Variants in FLG observed in about 807,000 individuals in gnomAD.
The protein encoded by FLG is epidermal filaggrin.
A neutral mutation model predicts 3.8 loss-of-function variants in FLG; 6 were observed. The ratio of observed to expected loss-of-function variants is 1.60; its 90% CI spans 0.87 to 3.15. The LOEUF is 3.15. FLG is among the 30% of genes most tolerant of loss of function. The pLI is 0.00. For synonymous variants in FLG, 2,551 were observed against 1,931.6 expected, an observed-to-expected ratio of 1.32 and a Z score of -8.41; for missense variants, 7,595 against 5,050.9, an observed-to-expected ratio of 1.50 and a Z score of -15.27.
At position 152,310,477 on chromosome 1, in the gene FLG, T is replaced by C; in HGVS notation, c.4409A>G (p.His1470Arg). ...PSTGGRQGSR[H>R]EQARNSSRHS... ...CCTAGAGCTGTTTCGTGCCTGCTCA[T>C]GGCGGGATCCTTGTCTTCCTCCAGT... Residue 1470 changes from histidine (H) to arginine (R), a missense_variant, in exon 3 of 3, where the codon CAT becomes CGT. Transcript: ENST00000368799. The C allele has an allele frequency of 6.2e-7, 1 of 1,613,814 alleles. No homozygotes were observed.
In FLG at chr1:152,314,547, A is replaced by G. The variant is rs1317321449; in HGVS notation, c.339T>C (p.Asn113=). Residue 113 remains asparagine (N), a synonymous_variant, in exon 3 of 3, where the codon AAT becomes AAC. Coordinates refer to ENST00000368799, the MANE Select transcript of FLG (RefSeq NM_002016.2). ...KHSHHDKHED[N]KQEENKENRK... is the part of the protein sequence containing the mutation. ...TGTTTTCTTTGTTTTCTTCCTGTTTATTATCTTCATGTTTATCATGATGAC... is the reference window on the plus strand; with the variant it reads ...TGTTTTCTTTGTTTTCTTCCTGTTTGTTATCTTCATGTTTATCATGATGAC... The G allele has an allele frequency of 1.2e-6, 2 of 1,611,388 alleles. No individual in the cohort carries two copies. Among genetic ancestry groups the G allele is most frequent in the East Asian group, 2.2e-5 (1 of 44,738 alleles).
chr1:152,307,886 G>C lies in FLG; in HGVS notation c.7000C>G (p.His2334Asp), dbSNP rs564611202. 3 of 1,608,870 alleles carry C rather than the reference G, an allele frequency of 1.9e-6. No homozygotes were observed. The highest frequency in any genetic ancestry group is 2.2e-5 in the East Asian group (1 of 44,826). Residue 2334 changes from histidine (H) to aspartate (D), a missense_variant, in exon 3 of 3, where the codon CAC becomes GAC. By Grantham distance (81) the His-to-Asp change is moderately conservative. Transcript: ENST00000368799. The stretch of plus-strand genomic sequence containing the variant: ...CTGGAGCTGTCTGCTGACTGCTGGT[G>C]GTGGGATCCGTGTCTCTCTCCTGCA... ...SSAGERHGSH[H>D]QQSADSSRHS...
At position 152,314,008 on chromosome 1, in the gene FLG, C is replaced by T; in HGVS notation, c.878G>A (p.Arg293Lys). The change falls in exon 3 of 3, where the codon AGG becomes AAG. Residue 293 changes from arginine (R) to lysine (K), a missense_variant. Physicochemically the swap from Arg to Lys is conservative, Grantham distance 26 (BLOSUM62 2). Coordinates refer to ENST00000368799, the MANE Select transcript of FLG (RefSeq NM_002016.2). Reference sequence around the variant, plus strand: ...CCTGTCCTGGCTAACTCTGGATCCCCTACGCTTTCTTGTCCTGGACTCCTG... The same window carrying T: ...CCTGTCCTGGCTAACTCTGGATCCCTTACGCTTTCTTGTCCTGGACTCCTG... ...PLQESRTRKR[R>K]GSRVSQDRDS... The T allele has an allele frequency of 6.2e-7, 1 of 1,614,200 alleles. No individual in the cohort carries two copies.
rs574781406 is a variant in FLG, at chr1:152,304,769, G to C, written c.10117C>G (p.Arg3373Gly). ...CCAGACCTTCCCCCTGACCGGTCAC[G>C]TGCGGACTCTTGGTGGCTCTGCTGA... is the stretch of plus-strand genomic sequence containing the variant. ...PHQQSHQESA[R>G]DRSGGRSGRS... The change falls in exon 3 of 3, where the codon CGT (arginine) becomes GGT (glycine). Residue 3373 changes from arginine (R) to glycine (G), a missense_variant. Physicochemically the swap from Arg to Gly is moderately radical, Grantham distance 125 (BLOSUM62 -2). Transcript: ENST00000368799. 5.7e-5 allele frequency: 92 copies of C among 1,613,682 alleles called. 2 individuals are homozygous for C. The South Asian group carries it at 8.0e-4, about 14-fold the overall frequency.
rs1651706128 is a variant in FLG at position 152,303,119 on chromosome 1, T to G, written c.11767A>C (p.Ser3923Arg). Reference protein sequence around the residue: ...VQSSPVQSDSSTAKEHGHFSS... With the variant: ...VQSSPVQSDSRTAKEHGHFSS... Reference sequence around the variant, plus strand: ...AAGTGACCATGTTCCTTAGCGGTACTAGAGTCTGACTGTACAGGTGAAGAC... The same window carrying G: ...AAGTGACCATGTTCCTTAGCGGTACGAGAGTCTGACTGTACAGGTGAAGAC... Residue 3923 changes from serine to arginine, a missense_variant, in exon 3 of 3, where the codon AGT becomes CGT. Coordinates refer to ENST00000368799, the MANE Select transcript of FLG (RefSeq NM_002016.2). The G allele has an allele frequency of 1.9e-6, 3 of 1,614,220 alleles. No homozygotes were observed. The highest frequency in any genetic ancestry group is 2.5e-6 in the Non-Finnish European group (3 of 1,180,048).
At position 152,312,207 on chromosome 1, in the gene FLG, G is replaced by C. The variant is rs772944521; in HGVS notation, c.2679C>G (p.Ser893Arg). 1.9e-6 allele frequency: 3 copies of C among 1,613,272 alleles called. No homozygotes were observed. Among genetic ancestry groups the C allele is most frequent in the Middle Eastern group, 3.3e-4 (2 of 6,082 alleles). ...SRGQSGSRSA[S>R]RTTRNEEQSR... ...ATTGTTCCTCATTACGTGTTGTTCT[G>C]CTTGCACTTCTGGATCCTGACTGCC... Residue 893 changes from serine to arginine, a missense_variant, in exon 3 of 3, where the codon AGC (serine) becomes AGG (arginine). Coordinates refer to ENST00000368799, the MANE Select transcript of FLG (RefSeq NM_002016.2).
Position 152,311,838 on chromosome 1 carries a change from T to A in FLG, c.3048A>T (p.Gly1016=). 1 of 1,614,102 alleles carries A rather than the reference T, an allele frequency of 6.2e-7. No homozygotes were observed. Among genetic ancestry groups the A allele is most frequent in the South Asian group, 1.1e-5 (1 of 91,078 alleles). ...CCTGTTCATGGGATGACGCAGCCTG[T>A]CCACCAGAGGAAGTCTCTGCGTGAG... ...GTPHAETSSG[G]QAASSHEQAR... is the part of the protein sequence containing the mutation. Residue 1016 remains glycine (G), a synonymous_variant, in exon 3 of 3, where the codon GGA becomes GGT. Coordinates refer to ENST00000368799, the MANE Select transcript of FLG (RefSeq NM_002016.2).
chr1:152,304,525 A>G lies in FLG; in HGVS notation c.10361T>C (p.Val3454Ala), dbSNP rs748893057. Residue 3454 changes from valine (V) to alanine (A), a missense_variant, in exon 3 of 3, where the codon GTA (valine) becomes GCA (alanine). Coordinates refer to ENST00000368799, the MANE Select transcript of FLG (RefSeq NM_002016.2). ...GRQGSHYEQS[V>A]DRSGHSGSHH... ...GGACCCTGAGTGTCCAGACCTATCT[A>G]CCGATTGCTCGTAGTGGGATCCCTG... The G allele has an allele frequency of 1.3e-5, 21 of 1,611,934 alleles. No individual in the cohort carries two copies. Among genetic ancestry groups the G allele is most frequent in the African/African-American group, 1.2e-4 (9 of 74,416 alleles).
At chr1:152,321,636 AG>A (rs1248972471) in intron 1 of FLG, among the ~76,000 whole-genome samples, 1 of 151,280 alleles carries the variant, frequency 6.6e-6, no homozygotes, top group Non-Finnish European at 1.5e-5. Flanking sequence ...AAACCTAAAT[AG>A]TACTATGTTT....
rs1651740843 is a variant in FLG at position 152,303,661 on chromosome 1, G to T, written c.11225C>A (p.Ala3742Glu). ...GGRQGSRHEQ[A>E]RDSSRHSASQ... is the part of the protein sequence containing the mutation. ...CGCTGAGTGCCTGGAGCTGTCTCGT[G>T]CCTGCTCGTGGCGGGATCCTTGTCT... The change falls in exon 3 of 3, where the codon GCA becomes GAA. Residue 3742 changes from alanine to glutamate, a missense_variant. Transcript: ENST00000368799. 2 of 1,613,904 alleles carry T rather than the reference G, an allele frequency of 1.2e-6. No individual in the cohort carries two copies. The highest frequency in any genetic ancestry group is 2.2e-5 in the East Asian group (1 of 44,872).
Position 152,312,600 on chromosome 1 carries a change from C to T in FLG, c.2286G>A (p.Val762=), listed in dbSNP as rs138381300. Residue 762 remains valine (V), a synonymous_variant, in exon 3 of 3, where the codon GTG becomes GTA. Coordinates refer to ENST00000368799, the MANE Select transcript of FLG (RefSeq NM_002016.2). ...GHSEDSDTQS[V]SGHGQAGHHQ... ...GGTGACCAGCCTGTCCATGGCCTGA[C>T]ACTGACTGTGTGTCTGAGTCTTCTG... The T allele has an allele frequency of 1.1e-5, 17 of 1,613,684 alleles. No individual in the cohort carries two copies. The highest frequency in any genetic ancestry group is 6.7e-5 in the African/African-American group (5 of 74,750).
In FLG at chr1:152,312,812, G is replaced by T. The variant is rs369598214; in HGVS notation, c.2074C>A (p.Gln692Lys). The T allele has an allele frequency of 1.4e-5, 23 of 1,614,062 alleles. No individual in the cohort carries two copies. Among genetic ancestry groups the T allele is most frequent in the Non-Finnish European group, 1.9e-5 (23 of 1,180,022 alleles). ...GCCTGTTCATGGGATGACGCAGCCT[G>T]TCCACTAGAGGAATTCTGTGTGTGA... ...TRHTQNSSSG[Q>K]AASSHEQARS... is the part of the protein sequence containing the mutation. Residue 692 changes from glutamine (Q) to lysine (K), a missense_variant, in exon 3 of 3, where the codon CAG becomes AAG. Gln to Lys is a moderately conservative substitution (Grantham distance 53). Transcript: ENST00000368799.
Position 152,310,695 on chromosome 1 carries a change from G to A in FLG, c.4191C>T (p.Asn1397=), listed in dbSNP as rs1233593222. The A allele has an allele frequency of 6.2e-7, 1 of 1,614,046 alleles. No individual in the cohort carries two copies. The highest frequency in any genetic ancestry group is 1.1e-5 in the South Asian group (1 of 91,064). The change falls in exon 3 of 3, where the codon AAC becomes AAT. Residue 1397 remains asparagine, a synonymous_variant. Transcript: ENST00000368799. ...HRGSSGSQVT[N]SEGHSEDSDT... is the part of the protein sequence containing the mutation. ...CTGAGTCTTCTGAATGTCCCTCACT[G>A]TTAGTGACCTGACTACCACTGGACC...
Position 152,303,137 on chromosome 1 carries a change from G to A in FLG, c.11749C>T (p.Pro3917Ser). Residue 3917 changes from proline to serine, a missense_variant, in exon 3 of 3, where the codon CCT becomes TCT. Coordinates refer to ENST00000368799, the MANE Select transcript of FLG (RefSeq NM_002016.2). ...RDTASHVQSSPVQSDSSTAKE... is the reference protein window; with the variant it reads ...RDTASHVQSSSVQSDSSTAKE... ...GCGGTACTAGAGTCTGACTGTACAG[G>A]TGAAGACTGTACATGACTGGCTGTA... 2 of 1,614,150 alleles carry A rather than the reference G, an allele frequency of 1.2e-6. No individual in the cohort carries two copies. The highest frequency in any genetic ancestry group is 1.1e-5 in the South Asian group (1 of 91,084).
chr1:152,323,592 A>G (rs565534048), intron 1 of FLG, among the ~76,000 whole-genome samples: 8 of 151,874 alleles, frequency 5.3e-5, no homozygotes, highest in Non-Finnish European at 1.0e-4. Context: ...TGAGACCTCA[A>G]TACACCCACC....
In FLG at chr1:152,309,334, C is replaced by G. The variant is rs1473101496; in HGVS notation, c.5552G>C (p.Arg1851Thr). 1.2e-6 allele frequency: 2 copies of G among 1,613,848 alleles called. No homozygotes were observed. The highest frequency in any genetic ancestry group is 2.2e-5 in the East Asian group (1 of 44,810). ...TGACTGCCCACGGGAGACATCAGAC[C>G]TTTCCTGGGACGTGGTGTGGCTGTG... ...SHHSHTTSQE[R>T]SDVSRGQSGS... Residue 1851 changes from arginine (R) to threonine (T), a missense_variant, in exon 3 of 3, where the codon AGG (arginine) becomes ACG (threonine). Transcript: ENST00000368799.
At position 152,304,779 on chromosome 1, in the gene FLG, T is replaced by C. The variant is rs1651836249; in HGVS notation, c.10107A>G (p.Gln3369=). The C allele has an allele frequency of 6.2e-7, 1 of 1,613,694 alleles. No homozygotes were observed. Among genetic ancestry groups the C allele is most frequent in the Non-Finnish European group, 8.5e-7 (1 of 1,179,936 alleles). The change falls in exon 3 of 3, where the codon CAA becomes CAG. Residue 3369 remains glutamine, a synonymous_variant. Transcript: ENST00000368799. The part of the protein sequence containing the change: ...GQAGPHQQSH[Q]ESARDRSGGR... The stretch of plus-strand genomic sequence containing the variant: ...CCCCTGACCGGTCACGTGCGGACTC[T>C]TGGTGGCTCTGCTGATGGGGCCCAG...
At position 152,309,794 on chromosome 1, in the gene FLG, C is replaced by T. The variant is rs746942219; in HGVS notation, c.5092G>A (p.Gly1698Arg). 3.1e-6 allele frequency: 5 copies of T among 1,613,866 alleles called. No individual in the cohort carries two copies. Among genetic ancestry groups the T allele is most frequent in the Non-Finnish European group, 4.2e-6 (5 of 1,180,006 alleles). The change falls in exon 3 of 3, where the codon GGG becomes AGG. Residue 1698 changes from glycine to arginine, a missense_variant. Physicochemically the swap from Gly to Arg is moderately radical, Grantham distance 125. Coordinates refer to ENST00000368799, the MANE Select transcript of FLG (RefSeq NM_002016.2). ...ACTACAGATGAATCTTGTCTGCGCC[C>T]AGTGCCTGAGTCTGTGGAGCTGTCT... Reference protein sequence around the residue: ...SADSSTDSGTGRRQDSSVVGD... With the variant: ...SADSSTDSGTRRRQDSSVVGD...
In FLG at chr1:152,311,231, G is replaced by T. The variant is rs377680686; in HGVS notation, c.3655C>A (p.Gln1219Lys). ...CCTGATTGTTTGTCCTTACGAGTTT[G>T]TCTGCTTGCACTTCTGGATCCTGAC... ...GQSGSRSASR[Q>K]TRKDKQSGDG... The change falls in exon 3 of 3, where the codon CAA (glutamine) becomes AAA (lysine). Residue 1219 changes from glutamine to lysine, a missense_variant. Coordinates refer to ENST00000368799, the MANE Select transcript of FLG (RefSeq NM_002016.2). 17 of 1,613,532 alleles carry T rather than the reference G, an allele frequency of 1.1e-5. No homozygotes were observed. Among genetic ancestry groups the T allele is most frequent in the African/African-American group, 2.7e-5 (2 of 74,736 alleles).
Sources: gnomAD v4.1 joint callset for allele counts (sites outside exome capture counted in the v4.1 genomes callset) on GRCh38, gnomAD v4.1.1 for gene constraint, MANE v1.5 for transcripts, NCBI Gene and HGNC (gene_info 2026-07-23, HGNC 2026-07-21) for gene names.